MAPKAP1: variants seen among roughly 807,000 people sequenced by gnomAD.
MAPKAP1 encodes the protein target of rapamycin complex 2 subunit MAPKAP1.
A neutral mutation model predicts 65.7 loss-of-function variants in MAPKAP1; 20 were observed. The ratio of observed to expected loss-of-function variants is 0.30; its 90% CI spans 0.21 to 0.44. The LOEUF (loss-of-function observed/expected upper bound fraction) is 0.44. MAPKAP1 is among the 20% of genes least tolerant of loss of function. MAPKAP1 has a pLI of 1.00. For synonymous variants in MAPKAP1, 222 were observed against 244.3 expected (o/e 0.91, Z 0.85); for missense variants, 423 against 648.0 (o/e 0.65, Z 3.77).
At chr9:125,629,103 A>G (rs1833199032) in intron 4 of MAPKAP1, among the ~76,000 whole-genome samples, 2 of 151,582 alleles carry the variant, frequency 1.3e-5, no homozygotes, top group South Asian at 4.2e-4. Context: ...CAGAAAATAA[A>G]AAGTGTTGCA....
chr9:125,512,756 G>T (rs1410654051), intron 7 of MAPKAP1: 1 of 151,870 alleles, frequency 6.6e-6, no homozygotes, highest in Admixed American at 6.6e-5. Flanking sequence ...TAATTTTTTT[G>T]TATTTTTTAG....
intron 6 of MAPKAP1, among the ~76,000 whole-genome samples, chr9:125,548,762 T>C (rs1830500617): frequency 6.6e-6 from 1 of 152,216 alleles, no homozygotes; most frequent in East Asian, 1.9e-4. Flanking sequence ...AATGAAGTAA[T>C]ATATAATGAT....
intron 10 of MAPKAP1, among the ~76,000 whole-genome samples, chr9:125,455,037 A>T (rs550004613): frequency 2.2e-4 from 32 of 142,734 alleles, no homozygotes; most frequent in South Asian, 4.4e-4. Flanking sequence ...AATAATAATT[A>T]AAAAAAAAAC....
rs978568358 is a variant in MAPKAP1 at position 125,543,161 on chromosome 9, C to G, written c.856G>C (p.Ala286Pro). 6 of 1,604,982 alleles carry G rather than the reference C, an allele frequency of 3.7e-6. No individual in the cohort carries two copies. The African/African-American group carries it at 5.3e-5, about 14-fold the overall frequency. ...ACCTGAATAAGGGAGAATCCATGAG[C>G]AGCATTTCTGTAGGAAAAGACAAAT... ...KESLFVRINA[A>P]HGFSLIQVDN... Residue 286 changes from alanine to proline, a missense_variant, in exon 7 of 12, where the codon GCT becomes CCT. Coordinates refer to ENST00000265960, the MANE Select transcript of MAPKAP1 (RefSeq NM_001006617.3).
chr9:125,464,204 T>TTAA (rs1554805633), intron 10 of MAPKAP1, among the ~76,000 whole-genome samples: 16,456 of 83,238 alleles, frequency 0.2, 2,935 homozygotes, highest in Middle Eastern at 0.32. Context: ...TCTCATATAT[T>TTAA]AAAAAAAAAA....
rs528882299 is a variant in MAPKAP1, at chr9:125,678,901, T to C, written c.-69-6258A>G. 1.7e-4 allele frequency among the ~76,000 whole-genome samples: 26 copies of C among 151,908 alleles called. 1 individual carries two copies. In the South Asian group the frequency reaches 4.8e-3, roughly 28 times the overall value. On this transcript the variant is annotated intron_variant, in intron 1 of 11. Transcript: ENST00000265960. ...TGCCCAAAGCCAGACAGCTAATACA[T>C]AGAAATAAAAAATCAAATTCAAGAG...
In MAPKAP1 at chr9:125,595,477, G is replaced by T. The variant is rs906741040; in HGVS notation, c.499-9750C>A. On this transcript the variant is annotated intron_variant, in intron 4 of 11. Transcript: ENST00000265960. This position sits in a 1 kb window ranked among gnomAD's most constrained non-coding sequence, Gnocchi z 4.0. ...TTAATTAAAATAATATACATTAGCTGCTTATCATAAAATTAATTTCAAAAT... is the reference window on the plus strand; with the variant it reads ...TTAATTAAAATAATATACATTAGCTTCTTATCATAAAATTAATTTCAAAAT... 9.8e-7 allele frequency: 1 copy of T among 1,020,458 alleles called. No homozygotes were observed. The highest frequency in any genetic ancestry group is 1.2e-6 in the Non-Finnish European group (1 of 834,670). 63.2% of individuals were successfully genotyped at this position (1,020,458 alleles called of 1,614,324 possible).
Position 125,518,819 on chromosome 9 carries a change from T to C in MAPKAP1, c.959-12402A>G, listed in dbSNP as rs915834470. Among the ~76,000 whole-genome samples the C allele has an allele frequency of 2.6e-5, 4 of 152,340 alleles. No homozygotes were observed. The East Asian group carries it at 5.8e-4, about 22-fold the overall frequency. On this transcript the variant is annotated intron_variant, in intron 7 of 11. Coordinates refer to ENST00000265960, the MANE Select transcript of MAPKAP1 (RefSeq NM_001006617.3). ...GCACCAAAACATAGGTGCACTGATA[T>C]GTGGATTTGTGAAACACACAGCACA...
intron 10 of MAPKAP1, among the ~76,000 whole-genome samples, chr9:125,448,375 CAT>C (rs548935343): frequency 1.5e-4 from 23 of 152,334 alleles, no homozygotes; most frequent in African/African-American, 4.1e-4. Context: ...TGTCAATAAA[CAT>C]GAGTAATTTA....
intron 5 of MAPKAP1, among the ~76,000 whole-genome samples, chr9:125,576,647 T>C (rs1344779638): frequency 1.3e-5 from 2 of 152,224 alleles, no homozygotes; most frequent in African/African-American, 2.4e-5. Flanking sequence ...GCCTGCAGAG[T>C]GCCTGCGACT....
intron 4 of MAPKAP1, among the ~76,000 whole-genome samples, chr9:125,651,136 T>C (rs1015698063): frequency 6.6e-6 from 1 of 152,170 alleles, no homozygotes; most frequent in Non-Finnish European, 1.5e-5. Flanking sequence ...CCGGCGATCC[T>C]TCTATACTAT....
intron 8 of MAPKAP1, among the ~76,000 whole-genome samples, chr9:125,504,053 C>CA (rs1254637693): frequency 6.6e-6 from 1 of 151,816 alleles, no homozygotes; most frequent in African/African-American, 2.4e-5. Context: ...AGATAATTTC[C>CA]AAAAACAGAT....
At chr9:125,684,422 CAATATG>C (rs1212958286) in intron 1 of MAPKAP1, among the ~76,000 whole-genome samples, 5 of 152,120 alleles carry the variant, frequency 3.3e-5, no homozygotes, top group South Asian at 2.1e-4. Flanking sequence ...CCCCAAATAT[CAATATG>C]AATAATGCCA....
At chr9:125,556,672 G>A (rs1206930063) in intron 6 of MAPKAP1, among the ~76,000 whole-genome samples, 1 of 152,178 alleles carries the variant, frequency 6.6e-6, no homozygotes, top group Non-Finnish European at 1.5e-5. Context: ...AGGAGGAAAG[G>A]GGGGAAATGA....
At chr9:125,577,223 TGAG>T (rs1212075302) in intron 5 of MAPKAP1, among the ~76,000 whole-genome samples, 3 of 149,582 alleles carry the variant, frequency 2.0e-5, no homozygotes, top group Non-Finnish European at 3.0e-5. Flanking sequence ...GTCTGAGAAA[TGAG>T]GAGACCCTCT....
At chr9:125,499,135 G>A (rs1828896613) in intron 8 of MAPKAP1, among the ~76,000 whole-genome samples, 1 of 152,214 alleles carries the variant, frequency 6.6e-6, no homozygotes. Flanking sequence ...GCAAGGCCAG[G>A]ATGTGAACTG....
chr9:125,565,827 T>C (rs1831037132), intron 5 of MAPKAP1: 3 of 342,124 alleles, frequency 8.8e-6, no homozygotes, highest in South Asian at 7.8e-5. Flanking sequence ...TTGAAGTGCT[T>C]AGCATGTGGT....
At chr9:125,575,413 C>T (rs1831363342) in intron 5 of MAPKAP1, among the ~76,000 whole-genome samples, 1 of 152,118 alleles carries the variant, frequency 6.6e-6, no homozygotes, top group African/African-American at 2.4e-5. Flanking sequence ...ACAAAACCCA[C>T]CAACTTTCCC....
intron 7 of MAPKAP1, among the ~76,000 whole-genome samples, chr9:125,518,266 A>G (rs926699988): frequency 3.3e-5 from 5 of 152,244 alleles, no homozygotes; most frequent in African/African-American, 1.2e-4. Flanking sequence ...CTGGGCTGTC[A>G]TATGGTTGTT....
Sources: gnomAD v4.1 joint callset for allele counts (sites outside exome capture counted in the v4.1 genomes callset) on GRCh38, gnomAD v4.1.1 for gene constraint, Gnocchi (gnomAD v3.1) non-coding constraint, MANE v1.5 for transcripts, NCBI Gene and HGNC (gene_info 2026-07-23, HGNC 2026-07-21) for gene names.